GAA: variants seen among roughly 807,000 people sequenced by gnomAD.
GAA encodes lysosomal alpha-glucosidase.
Under a neutral mutation model 103.9 loss-of-function variants are expected in GAA, and 88 were observed. That is an observed-to-expected ratio of 0.85 (90% CI 0.71 to 1.01). GAA has a LOEUF of 1.01. Ranked by LOEUF, GAA falls within the 50% of genes least tolerant of loss-of-function variation. The pLI, the probability that GAA is intolerant of heterozygous loss-of-function variation, is 0.00. For synonymous variants in GAA, 572 were observed against 563.1 expected (o/e 1.02, Z -0.22); for missense variants, 1,350 against 1,305.3 (o/e 1.03, Z -0.53).
rs778634411 is a variant in GAA, at chr17:80,111,035, C to T, written c.1636+10C>T. ...CCACCCTACGTGCCTGGTCAGCTCG[C>T]CCCCCACCTACCCTGGGGACTTAAT... is the stretch of plus-strand genomic sequence containing the variant. On this transcript the variant is annotated intron_variant, in intron 11 of 19. Transcript: ENST00000302262. The T allele has an allele frequency of 2.5e-6, 4 of 1,612,358 alleles. No individual in the cohort carries two copies. The highest frequency in any genetic ancestry group is 3.4e-6 in the Non-Finnish European group (4 of 1,179,128).
chr17:80,114,187 A>G (rs1051563715), intron 15 of GAA, among the ~76,000 whole-genome samples: 7 of 152,204 alleles, frequency 4.6e-5, no homozygotes, highest in Non-Finnish European at 8.8e-5. Context: ...TGCTCTGAAC[A>G]TGGACTGTAA....
At position 80,117,674 on chromosome 17, in the gene GAA, G is replaced by T; in HGVS notation, c.2406G>T (p.Gly802=). The T allele has an allele frequency of 6.2e-7, 1 of 1,612,786 alleles. No individual in the cohort carries two copies. Among genetic ancestry groups the T allele is most frequent in the South Asian group, 1.1e-5 (1 of 91,076 alleles). The change falls in exon 17 of 20, where the codon GGG becomes GGT. Residue 802 remains glycine, a synonymous_variant. Coordinates refer to ENST00000302262, the MANE Select transcript of GAA (RefSeq NM_000152.5). Reference sequence around the variant, plus strand: ...GTGAGCCAGCCATCCACAGCGAGGGGCAGTGGGTGACGCTGCCGGCCCCCC... The same window carrying T: ...GTGAGCCAGCCATCCACAGCGAGGGTCAGTGGGTGACGCTGCCGGCCCCCC... ...APREPAIHSE[G]QWVTLPAPLD... is the part of the protein sequence containing the mutation.
rs1214164784 is a variant in GAA, at chr17:80,107,637, C to T, written c.773C>T (p.Thr258Ile). Reference protein sequence around the residue: ...LSTSLPSQYITGLAEHLSPLM... With the variant: ...LSTSLPSQYIIGLAEHLSPLM... ...ACCTCGCTGCCCTCGCAGTATATCACAGGCCTCGCCGAGCACCTCAGTCCC... is the reference window on the plus strand; with the variant it reads ...ACCTCGCTGCCCTCGCAGTATATCATAGGCCTCGCCGAGCACCTCAGTCCC... The change falls in exon 4 of 20, where the codon ACA (threonine) becomes ATA (isoleucine). Residue 258 changes from threonine to isoleucine, a missense_variant. By Grantham distance (89) the Thr-to-Ile change is moderately conservative. Coordinates refer to ENST00000302262, the MANE Select transcript of GAA (RefSeq NM_000152.5). 1 of 1,613,170 alleles carries T rather than the reference C, an allele frequency of 6.2e-7. No individual in the cohort carries two copies. Among genetic ancestry groups the T allele is most frequent in the Admixed American group, 1.7e-5 (1 of 60,028 alleles).
chr17:80,118,435 G>A (rs1027578891), intron 18 of GAA, 78 bp downstream of exon 18: 33 of 1,533,708 alleles, frequency 2.2e-5, no homozygotes, highest in Non-Finnish European at 2.8e-5. Flanking sequence ...CTGGGCTTGG[G>A]GGTCCCACGA....
At position 80,110,695 on chromosome 17, in the gene GAA, G is replaced by A. The variant is rs199897967; in HGVS notation, c.1438-32G>A. On this transcript the variant is annotated intron_variant, in intron 9 of 19. Coordinates refer to ENST00000302262, the MANE Select transcript of GAA (RefSeq NM_000152.5). ...TTCCATGCAGGCCCTGGGTGGGGCC[G>A]GGTCTCCCCACTGCAGCCTCTCGTT... 5,678 of 1,585,822 alleles carry A rather than the reference G, an allele frequency of 3.6e-3. 13 individuals carry two copies. Among genetic ancestry groups the A allele is most frequent in the Non-Finnish European group, 3.8e-3 (4,348 of 1,155,666 alleles).
chr17:80,116,753 G>A (rs1046899532), intron 15 of GAA: 9 of 606,372 alleles, frequency 1.5e-5, no homozygotes, highest in Non-Finnish European at 2.1e-5. Flanking sequence ...CCCAGCTGCC[G>A]GCATGTCCGG....
chr17:80,102,823 T>C (rs1221771034), intron 1 of GAA: 1 of 152,366 alleles, frequency 6.6e-6, no homozygotes, highest in East Asian at 1.9e-4. Flanking sequence ...AGTGACAACC[T>C]GGGATTTGCC....
rs147804176 is a variant in GAA at position 80,110,726 on chromosome 17, G to T, written c.1438-1G>T. 21 of 1,613,694 alleles carry T rather than the reference G, an allele frequency of 1.3e-5. No homozygotes were observed. The highest frequency in any genetic ancestry group is 1.2e-5 in the Non-Finnish European group (14 of 1,179,926). On this transcript the variant is annotated splice_acceptor_variant, in intron 9 of 19. Coordinates refer to ENST00000302262, the MANE Select transcript of GAA (RefSeq NM_000152.5). LOFTEE classifies it high-confidence loss of function. Reference sequence around the variant, plus strand: ...CCCCACTGCAGCCTCTCGTTGTCCAGGTATGGCCCGGGTCCACTGCCTTCC... The same window carrying T: ...CCCCACTGCAGCCTCTCGTTGTCCATGTATGGCCCGGGTCCACTGCCTTCC...
chr17:80,118,941 T>G lies in GAA; in HGVS notation c.2799+136T>G, dbSNP rs887495181. The G allele has an allele frequency of 9.8e-6, 11 of 1,123,136 alleles. No individual in the cohort carries two copies. In the Admixed American group the frequency reaches 9.9e-5, roughly 10 times the overall value. 69.6% of individuals were successfully genotyped at this position (1,123,136 alleles called of 1,614,324 possible). A position where few individuals can be genotyped will look rare whatever the true frequency, so the allele number is the denominator to read the frequency against. On this transcript the variant is annotated intron_variant, in intron 19 of 19. Coordinates refer to ENST00000302262, the MANE Select transcript of GAA (RefSeq NM_000152.5). ...TCCCAAGGGGGTCTTTGGGGAGGAG[T>G]GGGAAGGGTCAGGCCACACAGGCTG...
In GAA at chr17:80,113,218, C is replaced by T. The variant is rs2039286160; in HGVS notation, c.2041C>T (p.Pro681Ser). The T allele has an allele frequency of 2.5e-6, 4 of 1,597,556 alleles. No homozygotes were observed. The highest frequency in any genetic ancestry group is 3.4e-6 in the Non-Finnish European group (4 of 1,173,870). Residue 681 changes from proline to serine, a missense_variant and splice_region_variant, in exon 15 of 20, where the codon CCC becomes TCC. Transcript: ENST00000302262. ...TCCTTTGCCCCCGCCTGCCCTGCAG[C>T]CCCAGGAGCCGTACAGCTTCAGCGA... The part of the protein sequence containing the change: ...MRNHNSLLSL[P>S]QEPYSFSEPA...
chr17:80,113,204 C>T lies in GAA; in HGVS notation c.2041-14C>T, dbSNP rs1047297951. The T allele has an allele frequency of 2.4e-5, 38 of 1,587,240 alleles. No individual in the cohort carries two copies. Among genetic ancestry groups the T allele is most frequent in the Middle Eastern group, 1.7e-4 (1 of 6,026 alleles). On this transcript the variant is annotated splice_polypyrimidine_tract_variant and intron_variant, in intron 14 of 19. Coordinates refer to ENST00000302262, the MANE Select transcript of GAA (RefSeq NM_000152.5). ...AGCACCCAAGTGCTTCCTTTGCCCC[C>T]GCCTGCCCTGCAGCCCCAGGAGCCG...
chr17:80,115,869 C>T (rs912734869), intron 15 of GAA, among the ~76,000 whole-genome samples: 1 of 152,186 alleles, frequency 6.6e-6, no homozygotes, highest in African/African-American at 2.4e-5. Flanking sequence ...AGATGGCATC[C>T]GTGAGTCTCC....
At chr17:80,111,154 C>T (rs936976633) in intron 11 of GAA, 129 bp downstream of exon 11, 2 of 899,578 alleles carry the variant, frequency 2.2e-6, no homozygotes, top group South Asian at 1.5e-5. Flanking sequence ...GGGGGGGGAT[C>T]CCCAGGAGAA....
chr17:80,117,227 C>T (rs767512251), intron 16 of GAA, 118 bp downstream of exon 16: 2 of 1,123,654 alleles, frequency 1.8e-6, no homozygotes, highest in Non-Finnish European at 1.3e-6. Context: ...GTGTTGAGTC[C>T]CGGCCATGTG....
At chr17:80,108,200 A>T in intron 5 of GAA, 90 bp from the exon 6 acceptor site, 1 of 1,606,242 alleles carries the variant, frequency 6.2e-7, no homozygotes, top group Admixed American at 1.7e-5. Context: ...GAGAGCCTCA[A>T]CTCTCCGCCT....
Position 80,104,116 on chromosome 17 carries a change from T to G in GAA, c.-32-439T>G, listed in dbSNP as rs1004607832. ...CCGTCTCTACAAAAATACAGAAAAT[T>G]AGCTGGGTGCGGTGGTGTGTGCCTA... On this transcript the variant is annotated intron_variant, in intron 1 of 19. Transcript: ENST00000302262. The surrounding 1 kb of genome is among the most constrained non-coding windows in gnomAD (Gnocchi z 4.0). Among the ~76,000 whole-genome samples, 2 of 152,082 alleles carry G rather than the reference T, an allele frequency of 1.3e-5. No individual in the cohort carries two copies. The highest frequency in any genetic ancestry group is 4.8e-5 in the African/African-American group (2 of 41,390).
In GAA at chr17:80,105,745, C is replaced by G. The variant is rs3816256; in HGVS notation, c.547-4C>G. On this transcript the variant is annotated splice_region_variant and splice_polypyrimidine_tract_variant and intron_variant, in intron 2 of 19. Coordinates refer to ENST00000302262, the MANE Select transcript of GAA (RefSeq NM_000152.5). ...GAACATCAATAAACCCCCATCTCTT[C>G]TAGATCAAAGATCCAGCTAACAGGC... The G allele has an allele frequency of 0.71, 1,137,456 of 1,609,652 alleles. 405,971 individuals carry two copies. The highest frequency in any genetic ancestry group is 0.8 in the Middle Eastern group (4,838 of 6,044).
rs1192995787 is a variant in GAA at position 80,104,332 on chromosome 17, A to G, written c.-32-223A>G. Among the ~76,000 whole-genome samples the G allele has an allele frequency of 6.6e-6, 1 of 152,136 alleles. No individual in the cohort carries two copies. Among genetic ancestry groups the G allele is most frequent in the African/African-American group, 2.4e-5 (1 of 41,406 alleles). ...CGTGTTTGATTTGTAACATTTTAGC[A>G]GACTGTGCAAGTGCTCTGCACTCCC... On this transcript the variant is annotated intron_variant, in intron 1 of 19. Coordinates refer to ENST00000302262, the MANE Select transcript of GAA (RefSeq NM_000152.5). This position sits in a 1 kb window ranked among gnomAD's most constrained non-coding sequence, Gnocchi z 4.0.
rs2039286931 is a variant in GAA at position 80,113,239 on chromosome 17, A to G, written c.2062A>G (p.Ser688Gly). Residue 688 changes from serine to glycine, a missense_variant, in exon 15 of 20, where the codon AGC becomes GGC. By Grantham distance (56) the Ser-to-Gly change is moderately conservative. Coordinates refer to ENST00000302262, the MANE Select transcript of GAA (RefSeq NM_000152.5). ...LSLPQEPYSFSEPAQQAMRKA... is the reference protein window; with the variant it reads ...LSLPQEPYSFGEPAQQAMRKA... ...GCAGCCCCAGGAGCCGTACAGCTTCAGCGAGCCGGCCCAGCAGGCCATGAG... is the reference window on the plus strand; with the variant it reads ...GCAGCCCCAGGAGCCGTACAGCTTCGGCGAGCCGGCCCAGCAGGCCATGAG... 1 of 1,601,900 alleles carries G rather than the reference A, an allele frequency of 6.2e-7. No homozygotes were observed. The highest frequency in any genetic ancestry group is 8.5e-7 in the Non-Finnish European group (1 of 1,175,348).
Sources: gnomAD v4.1 joint callset for allele counts (sites outside exome capture counted in the v4.1 genomes callset) on GRCh38, gnomAD v4.1.1 for gene constraint, Gnocchi (gnomAD v3.1) non-coding constraint, MANE v1.5 for transcripts, NCBI Gene and HGNC (gene_info 2026-07-23, HGNC 2026-07-21) for gene names.